The following TBC1D4 variants were observed in gnomAD, a reference collection of about 807,000 sequenced individuals.
TBC1D4 encodes the protein TBC (Tre-2, BUB2, CDC16) domain-containing protein.
A neutral mutation model predicts 142.5 loss-of-function variants in TBC1D4; 121 were observed. The ratio of observed to expected loss-of-function variants is 0.85; its 90% CI spans 0.73 to 0.99. The LOEUF is 0.99. Among genes scored for constraint, TBC1D4 ranks in the 50% least tolerant of loss-of-function variants. The probability of loss-of-function intolerance (pLI) is 0.00; values close to 1 mark genes in which losing one functional copy is unlikely to be tolerated. For missense variants in TBC1D4, 1,475 were observed against 1,606.6 expected (o/e 0.92, Z 1.40); for synonymous variants, 630 against 628.2 (o/e 1.00, Z -0.04).
chr13:75,382,357 A>G (rs1883900892), intron 1 of TBC1D4, among the ~76,000 whole-genome samples: 1 of 152,184 alleles, frequency 6.6e-6, no homozygotes, highest in South Asian at 2.1e-4. Flanking sequence ...TCTCATTTCA[A>G]ATAAATTACA....
chr13:75,297,550 T>C (rs1053392012), intron 17 of TBC1D4, among the ~76,000 whole-genome samples: 7 of 151,992 alleles, frequency 4.6e-5, no homozygotes, highest in Non-Finnish European at 8.8e-5. Context: ...GGTCCGGAAG[T>C]TTGAGACCAG....
chr13:75,473,598 A>G (rs1307330948), intron 1 of TBC1D4, among the ~76,000 whole-genome samples: 2 of 152,236 alleles, frequency 1.3e-5, no homozygotes, highest in Non-Finnish European at 2.9e-5. Context: ...AAAACGCTAA[A>G]GCAGCAGCCA....
At chr13:75,455,051 T>C (rs557333421) in intron 1 of TBC1D4, among the ~76,000 whole-genome samples, 5 of 152,302 alleles carry the variant, frequency 3.3e-5, no homozygotes, top group African/African-American at 4.8e-5. Flanking sequence ...TTAGAGAAGG[T>C]AGAGATTCTA....
At chr13:75,476,112 G>A (rs1009614743) in intron 1 of TBC1D4, among the ~76,000 whole-genome samples, 7 of 151,998 alleles carry the variant, frequency 4.6e-5, no homozygotes, top group Non-Finnish European at 1.0e-4. Context: ...GCGTGGTGGT[G>A]CACTCCTATA....
At chr13:75,301,371 G>A (rs974771246) in intron 16 of TBC1D4, among the ~76,000 whole-genome samples, 1 of 152,148 alleles carries the variant, frequency 6.6e-6, no homozygotes, top group African/African-American at 2.4e-5. Context: ...GCTGGGCACG[G>A]TGGCTCATGC....
In TBC1D4 at chr13:75,327,771, T is replaced by C. The variant is rs1385708396; in HGVS notation, c.1787A>G (p.Asn596Ser). 6.2e-7 allele frequency: 1 copy of C among 1,614,060 alleles called. No homozygotes were observed. The highest frequency in any genetic ancestry group is 2.2e-5 in the East Asian group (1 of 44,862). The change falls in exon 9 of 21, where the codon AAC (asparagine) becomes AGC (serine). Residue 596 changes from asparagine to serine, a missense_variant. By Grantham distance (46) the Asn-to-Ser change is conservative. Coordinates refer to ENST00000377636, the MANE Select transcript of TBC1D4 (RefSeq NM_014832.5). ...AGATACCTTCTCTGAAGCAAGACTG[T>C]TGGACCGTTCAAAACTGTCCACACT... ...LGSVDSFERS[N>S]SLASEKDYSP...
intron 1 of TBC1D4, among the ~76,000 whole-genome samples, chr13:75,382,004 C>T (rs1422083238): frequency 6.6e-6 from 1 of 152,130 alleles, no homozygotes; most frequent in African/African-American, 2.4e-5. Context: ...ACTAGGAAAC[C>T]CATTGAGGGA....
intron 5 of TBC1D4, among the ~76,000 whole-genome samples, chr13:75,348,954 A>AGAGAGAGTGTGTGTGTGTGTGT (rs969343152): frequency 7.2e-6 from 1 of 139,084 alleles, no homozygotes; most frequent in South Asian, 2.5e-4. Flanking sequence ...AGAGAGAGAG[A>AGAGAGAGTGTGTGTGTGTGTGT]GTGTGTGTGT....
chr13:75,368,597 G>A (rs1191930301), intron 1 of TBC1D4, among the ~76,000 whole-genome samples: 1 of 152,194 alleles, frequency 6.6e-6, no homozygotes, highest in African/African-American at 2.4e-5. Flanking sequence ...CTCTCATGCT[G>A]TCTCACTGCT....
At chr13:75,313,017 C>T (rs1877942184) in intron 12 of TBC1D4, 119 bp from the exon 13 acceptor site, 1 of 1,102,514 alleles carries the variant, frequency 9.1e-7, no homozygotes, top group East Asian at 2.5e-5. Flanking sequence ...AAGCCACAGG[C>T]AACATGGAGC....
intron 12 of TBC1D4, 58 bp downstream of exon 12, chr13:75,319,956 T>C: frequency 6.3e-7 from 1 of 1,579,988 alleles, no homozygotes; most frequent in Non-Finnish European, 8.7e-7. Flanking sequence ...AAGGATGATG[T>C]TCAGTTGGAA....
At chr13:75,383,351 C>G (rs553517637) in intron 1 of TBC1D4, among the ~76,000 whole-genome samples, 1 of 152,300 alleles carries the variant, frequency 6.6e-6, no homozygotes, top group South Asian at 2.1e-4. Flanking sequence ...AAAAGCCTAT[C>G]CTGAATTCTG....
intron 1 of TBC1D4, among the ~76,000 whole-genome samples, chr13:75,386,324 A>G (rs1884163440): frequency 6.6e-6 from 1 of 152,134 alleles, no homozygotes; most frequent in Non-Finnish European, 1.5e-5. Context: ...CACAGTTCTT[A>G]TAAAAATGCA....
At chr13:75,405,272 T>TTG in intron 1 of TBC1D4, among the ~76,000 whole-genome samples, 1 of 148,854 alleles carries the variant, frequency 6.7e-6, no homozygotes, top group Non-Finnish European at 1.5e-5. Context: ...ATATATGCTT[T>TTG]TTTTTTTTTT....
intron 1 of TBC1D4, among the ~76,000 whole-genome samples, chr13:75,402,801 AAAGT>A (rs1476205145): frequency 1.3e-5 from 2 of 152,160 alleles, no homozygotes; most frequent in Non-Finnish European, 1.5e-5. Flanking sequence ...AAAGAAGGTA[AAAGT>A]AAGAGAGATA....
intron 1 of TBC1D4, among the ~76,000 whole-genome samples, chr13:75,416,483 T>G (rs1885922005): frequency 6.6e-6 from 1 of 152,196 alleles, no homozygotes; most frequent in African/African-American, 2.4e-5. Flanking sequence ...AGCTGAGACA[T>G]CAGCCCCCTC....
chr13:75,326,769 G>A (rs542413917), intron 9 of TBC1D4, among the ~76,000 whole-genome samples: 25 of 152,262 alleles, frequency 1.6e-4, no homozygotes, highest in African/African-American at 5.8e-4. Flanking sequence ...TAGAGCTACT[G>A]TACTTCTCTC....
Position 75,362,744 on chromosome 13 carries a change from A to C in TBC1D4, c.499-137T>G. ...AAGTAATAGACACTACACGAGACAG[A>C]GCATACACTTACATTATTTGACATA... On this transcript the variant is annotated intron_variant, in intron 1 of 20. Coordinates refer to ENST00000377636, the MANE Select transcript of TBC1D4 (RefSeq NM_014832.5). The surrounding 1 kb of genome is among the most constrained non-coding windows in gnomAD (Gnocchi z 4.2). 1 of 852,500 alleles carries C rather than the reference A, an allele frequency of 1.2e-6. No individual in the cohort carries two copies. The highest frequency in any genetic ancestry group is 1.8e-6 in the Non-Finnish European group (1 of 552,948). The allele number at this position is 852,500 out of a possible 1,614,324, so 52.8% of individuals were successfully genotyped here.
At chr13:75,329,013 C>A (rs1289329655) in intron 8 of TBC1D4, among the ~76,000 whole-genome samples, 1 of 152,036 alleles carries the variant, frequency 6.6e-6, no homozygotes, top group African/African-American at 2.4e-5. Context: ...TCCTACCGTT[C>A]CTTAAGCTTT....
Sources: gnomAD v4.1 joint callset for allele counts (sites outside exome capture counted in the v4.1 genomes callset) on GRCh38, gnomAD v4.1.1 for gene constraint, Gnocchi (gnomAD v3.1) non-coding constraint, MANE v1.5 for transcripts, NCBI Gene and HGNC (gene_info 2026-07-23, HGNC 2026-07-21) for gene names.